Variants in LUZP1 observed in about 807,000 individuals in gnomAD.
The protein encoded by LUZP1 is filamin mechanobinding actin cross-linking protein.
LUZP1 carries 25 observed loss-of-function variants against 71.3 expected under a neutral mutation model. The ratio of observed to expected loss-of-function variants is 0.35; its 90% CI spans 0.26 to 0.49. The LOEUF (loss-of-function observed/expected upper bound fraction) is 0.49. Ranked by LOEUF, LUZP1 falls within the 20% of genes least tolerant of loss-of-function variation. The pLI is 0.99. For synonymous variants in LUZP1, 481 were observed against 506.4 expected, an observed-to-expected ratio of 0.95 and a Z score of 0.67; for missense variants, 1,142 against 1,300.8, an observed-to-expected ratio of 0.88 and a Z score of 1.88.
chr1:23,151,362 C>T (rs1376872555), intron 2 of LUZP1, among the ~76,000 whole-genome samples: 1 of 152,024 alleles, frequency 6.6e-6, no homozygotes, highest in South Asian at 2.1e-4. Flanking sequence ...GTCTTCTAAG[C>T]CCCCTTTGCA....
In LUZP1 at chr1:23,094,268, T is replaced by C. The variant is rs368925539; in HGVS notation, c.-7A>G. 8.8e-6 allele frequency: 14 copies of C among 1,589,228 alleles called. No individual in the cohort carries two copies. Among genetic ancestry groups the C allele is most frequent in the Middle Eastern group, 1.7e-4 (1 of 5,924 alleles). On this transcript the variant is annotated 5_prime_UTR_variant, in exon 4 of 5. Coordinates refer to ENST00000302291, the Ensembl canonical transcript of LUZP1. This position sits in a 1 kb window ranked among gnomAD's most constrained non-coding sequence, Gnocchi z 4.7. ...AGCTTGTAAATTCGGCCATGTCTAC[T>C]GCCAGCCAATGTGGGCTCCTAGAGG...
chr1:23,092,297 C>T (rs1643865131), exon 4 of LUZP1: 2 of 1,614,194 alleles, frequency 1.2e-6, no homozygotes, highest in Admixed American at 1.7e-5. Flanking sequence ...AGTCTGGCTT[C>T]TCTCTGCCAC....
rs1557654121 is a variant in LUZP1, at chr1:23,117,516, G to GT, written c.-225-8390_-225-8389insA. On this transcript the variant is annotated intron_variant, in intron 2 of 4. Transcript: ENST00000302291. ...CACAATCAGGAAGCCCTGGGGGGGGGGGCGGGGGGGGGGAACACCTTGAGA... is the reference window on the plus strand; with the variant it reads ...CACAATCAGGAAGCCCTGGGGGGGGGTGGCGGGGGGGGGGAACACCTTGAGA... 5.6e-3 allele frequency among the ~76,000 whole-genome samples: 433 copies of GT among 77,738 alleles called. 31 individuals are homozygous for GT. The highest frequency in any genetic ancestry group is 0.024 in the African/African-American group (403 of 16,624). The allele number at this position is 77,738 out of a possible 152,430, so 51.0% of individuals were successfully genotyped here.
chr1:23,121,131 A>C (rs1476812703), intron 2 of LUZP1, among the ~76,000 whole-genome samples: 1 of 152,250 alleles, frequency 6.6e-6, no homozygotes, highest in African/African-American at 2.4e-5. Context: ...AAGCTAAAAA[A>C]ATAAGGGGAA....
At position 23,094,443 on chromosome 1, in the gene LUZP1, G is replaced by T; in HGVS notation, c.-119-63C>A. Reference sequence around the variant, plus strand: ...TGTAAAACCTGCACGTTAGCTCCCAGTTATAGAAAAGTGCTCCTATCTGTT... The same window carrying T: ...TGTAAAACCTGCACGTTAGCTCCCATTTATAGAAAAGTGCTCCTATCTGTT... On this transcript the variant is annotated intron_variant, in intron 3 of 4. Transcript: ENST00000302291. The surrounding 1 kb of genome is among the most constrained non-coding windows in gnomAD (Gnocchi z 4.7). 1 of 1,272,432 alleles carries T rather than the reference G, an allele frequency of 7.9e-7. No individual in the cohort carries two copies. The highest frequency in any genetic ancestry group is 1.0e-6 in the Non-Finnish European group (1 of 979,048). The allele number at this position is 1,272,432 out of a possible 1,614,324, so 78.8% of individuals were successfully genotyped here. A position where few individuals can be genotyped will look rare whatever the true frequency, so the allele number is the denominator to read the frequency against.
At chr1:23,103,129 G>C (rs991468236) in intron 3 of LUZP1, among the ~76,000 whole-genome samples, 8 of 149,868 alleles carry the variant, frequency 5.3e-5, no homozygotes, top group Non-Finnish European at 1.2e-4. Flanking sequence ...TGTAGAGAAG[G>C]GGTCTCTATG....
At chr1:23,133,711 C>T (rs1356782691) in intron 2 of LUZP1, 2 of 151,712 alleles carry the variant, frequency 1.3e-5, no homozygotes, top group African/African-American at 2.4e-5. Flanking sequence ...TGCAGTGAGC[C>T]GAGATCGTGC....
At chr1:23,152,614 T>C (rs530746166) in intron 2 of LUZP1, among the ~76,000 whole-genome samples, 30 of 152,214 alleles carry the variant, frequency 2.0e-4, no homozygotes, top group African/African-American at 6.0e-4. Flanking sequence ...CACTGCAACC[T>C]CTGCCCCCTG....
At chr1:23,130,978 G>A (rs1644210555) in intron 2 of LUZP1, among the ~76,000 whole-genome samples, 1 of 151,976 alleles carries the variant, frequency 6.6e-6, no homozygotes, top group Non-Finnish European at 1.5e-5. Flanking sequence ...AGCACTTTGG[G>A]AGGCAGAGGT....
chr1:23,137,598 G>A (rs764548380), intron 2 of LUZP1, among the ~76,000 whole-genome samples: 13 of 151,810 alleles, frequency 8.6e-5, no homozygotes, highest in African/African-American at 1.7e-4. Flanking sequence ...CCAAGATTGC[G>A]CCACTGCACT....
intron 2 of LUZP1, among the ~76,000 whole-genome samples, chr1:23,119,629 A>G (rs923850023): frequency 2.6e-5 from 4 of 152,124 alleles, no homozygotes; most frequent in African/African-American, 9.7e-5. Context: ...ATTCTGTATT[A>G]TAATTGTCTA....
At chr1:23,112,036 CA>C (rs1394195304) in intron 2 of LUZP1, among the ~76,000 whole-genome samples, 6 of 152,192 alleles carry the variant, frequency 3.9e-5, no homozygotes, top group Non-Finnish European at 8.8e-5. Flanking sequence ...CTCTTCAAAA[CA>C]AGACAGAATG....
intron 3 of LUZP1, among the ~76,000 whole-genome samples, chr1:23,104,583 T>C (rs1320165746): frequency 6.6e-6 from 1 of 152,190 alleles, no homozygotes; most frequent in East Asian, 1.9e-4. Flanking sequence ...TAGATGCTTC[T>C]ATCACTATAT....
exon 5 of LUZP1, chr1:23,084,425 G>C (rs1428507720): frequency 2.0e-5 from 3 of 151,700 alleles, no homozygotes; most frequent in Admixed American, 6.6e-5. Flanking sequence ...CAAATCTTTT[G>C]TCTCTCTCTT....
At chr1:23,158,595 C>A (rs1178146418) in intron 2 of LUZP1, among the ~76,000 whole-genome samples, 4 of 123,096 alleles carry the variant, frequency 3.2e-5, no homozygotes, top group African/African-American at 1.3e-4. Flanking sequence ...TGCAGTGAGC[C>A]GAGATCGTGC....
chr1:23,092,064 G>A, exon 4 of LUZP1: 1 of 1,614,134 alleles, frequency 6.2e-7, no homozygotes. Context: ...AGCACCATTG[G>A]TATCTGGGAG....
intron 2 of LUZP1, among the ~76,000 whole-genome samples, chr1:23,145,202 A>G (rs1031977113): frequency 2.0e-5 from 3 of 151,596 alleles, no homozygotes; most frequent in Non-Finnish European, 4.4e-5. Context: ...TGCCCAGCCT[A>G]TTTCTTTTAA....
At chr1:23,092,114 T>C in exon 4 of LUZP1, 3 of 1,614,172 alleles carry the variant, frequency 1.9e-6, no homozygotes, top group Non-Finnish European at 1.7e-6. Flanking sequence ...ATTTCACAGA[T>C]TCATTCTCCA....
intron 2 of LUZP1, among the ~76,000 whole-genome samples, chr1:23,152,863 C>T (rs555634001): frequency 1.1e-4 from 16 of 152,186 alleles, no homozygotes; most frequent in African/African-American, 3.6e-4. Flanking sequence ...TAAGAGCTAT[C>T]TTCACTTTCT....
Sources: allele counts gnomAD v4.1 joint callset (sites outside exome capture counted in the v4.1 genomes callset), GRCh38; gene constraint gnomAD v4.1.1; non-coding constraint Gnocchi (gnomAD v3.1); transcripts MANE v1.5; gene names NCBI Gene and HGNC (gene_info 2026-07-23, HGNC 2026-07-21).